Variants in RFX3 observed in about 807,000 individuals in gnomAD.
RFX3 encodes regulatory factor X3.
Under a neutral mutation model 98.6 loss-of-function variants are expected in RFX3, and 14 were observed. The ratio of observed to expected loss-of-function variants is 0.14; its 90% confidence interval spans 0.09 to 0.22. RFX3 has a LOEUF of 0.22. Among genes scored for constraint, RFX3 ranks in the 10% least tolerant of loss-of-function variants. The pLI, the probability that RFX3 is intolerant of heterozygous loss-of-function variation, is 1.00. For missense variants in RFX3, 639 were observed against 926.9 expected (o/e 0.69, Z 4.03); for synonymous variants, 383 against 328.4 (o/e 1.17, Z -1.80).
intron 15 of RFX3, among the ~76,000 whole-genome samples, chr9:3,244,780 G>A (rs1356949079): frequency 6.6e-6 from 1 of 152,110 alleles, no homozygotes; most frequent in Non-Finnish European, 1.5e-5. Flanking sequence ...TTCCTTCAAA[G>A]CACTTAACAA....
intron 1 of RFX3, among the ~76,000 whole-genome samples, chr9:3,465,604 CAT>C (rs1357873374): frequency 6.6e-6 from 1 of 151,776 alleles, no homozygotes; most frequent in East Asian, 1.9e-4. Context: ...GCACTTGGCC[CAT>C]ATGTTAATCT....
chr9:3,310,301 G>A (rs889214293), intron 4 of RFX3, among the ~76,000 whole-genome samples: 9 of 151,970 alleles, frequency 5.9e-5, no homozygotes, highest in South Asian at 2.1e-4. Context: ...TCATATATAC[G>A]GACAATTAGA....
intron 2 of RFX3, among the ~76,000 whole-genome samples, chr9:3,370,170 G>T (rs1453937232): frequency 6.8e-6 from 1 of 146,348 alleles, no homozygotes; most frequent in East Asian, 2.0e-4. Context: ...CTGCTGGTTA[G>T]GATGTTTCAA....
Position 3,269,592 on chromosome 9 carries a change from C to T in RFX3, c.1357+779G>A, listed in dbSNP as rs555727439. 5.9e-5 allele frequency among the ~76,000 whole-genome samples: 9 copies of T among 152,152 alleles called. No individual in the cohort carries two copies. The South Asian group carries it at 1.5e-3, about 25-fold the overall frequency. On this transcript the variant is annotated intron_variant, in intron 11 of 16. Transcript: ENST00000617270. ...CTGCCTCTAACAGTATCTGTGGTAG[C>T]GTTTATATCGATACTTGAGAAAATA...
At chr9:3,343,645 T>C (rs1358707418) in intron 3 of RFX3, among the ~76,000 whole-genome samples, 1 of 152,212 alleles carries the variant, frequency 6.6e-6, no homozygotes, top group African/African-American at 2.4e-5. Flanking sequence ...ATTTTGAGTA[T>C]ACTTCATGGC....
chr9:3,339,787 T>C (rs904987198), intron 3 of RFX3, among the ~76,000 whole-genome samples: 1 of 152,154 alleles, frequency 6.6e-6, no homozygotes, highest in Non-Finnish European at 1.5e-5. Flanking sequence ...TCCATGCTCA[T>C]GGGTAGGAAG....
rs567031925 is a variant in RFX3 at position 3,344,693 on chromosome 9, T to C, written c.215+1974A>G. The C allele has an allele frequency of 1.2e-5, 7 of 602,888 alleles. No individual in the cohort carries two copies. The East Asian group carries it at 2.0e-4, about 17-fold the overall frequency. The allele number at this position is 602,888 out of a possible 1,614,324, so 37.3% of individuals were successfully genotyped here. On this transcript the variant is annotated intron_variant, in intron 3 of 16. Coordinates refer to ENST00000617270, the MANE Select transcript of RFX3 (RefSeq NM_001282116.2). ...TTCCCCTGCAGGTGCCCATTACTAC[T>C]TGTCACAGACAAAGATGAAATGACA...
At chr9:3,385,351 A>T (rs988863373) in intron 2 of RFX3, among the ~76,000 whole-genome samples, 2 of 152,196 alleles carry the variant, frequency 1.3e-5, no homozygotes, top group Non-Finnish European at 2.9e-5. Flanking sequence ...GTCTCTAAGA[A>T]CAAAACTATG....
chr9:3,263,706 T>C (rs989820406), intron 12 of RFX3, among the ~76,000 whole-genome samples: 2 of 152,206 alleles, frequency 1.3e-5, no homozygotes, highest in Non-Finnish European at 2.9e-5. Context: ...AATTTCTATT[T>C]GCCTCTCAAA....
intron 4 of RFX3, among the ~76,000 whole-genome samples, chr9:3,303,891 T>C (rs1053104803): frequency 6.6e-6 from 1 of 152,052 alleles, no homozygotes; most frequent in African/African-American, 2.4e-5. Flanking sequence ...CTTCTTTGTG[T>C]CACTTTGTAA....
Position 3,222,324 on chromosome 9 carries a change from T to C in RFX3, c.*2718A>G, listed in dbSNP as rs1034626364. The C allele has an allele frequency of 6.6e-6, 1 of 152,182 alleles. No homozygotes were observed. The highest frequency in any genetic ancestry group is 1.5e-5 in the Non-Finnish European group (1 of 68,000). 9.4% of individuals were successfully genotyped at this position (152,182 alleles called of 1,614,324 possible). A position where few individuals can be genotyped will look rare whatever the true frequency, so the allele number is the denominator to read the frequency against. On this transcript the variant is annotated 3_prime_UTR_variant, in exon 17 of 17. Coordinates refer to ENST00000617270, the MANE Select transcript of RFX3 (RefSeq NM_001282116.2). ...ATATTTTTATTGAGTCAAGTTCAAATGTAATAATGTTTTATTAGTTCTTAA... is the reference window on the plus strand; with the variant it reads ...ATATTTTTATTGAGTCAAGTTCAAACGTAATAATGTTTTATTAGTTCTTAA...
chr9:3,410,085 A>C (rs1842323383), intron 1 of RFX3, among the ~76,000 whole-genome samples: 1 of 151,634 alleles, frequency 6.6e-6, no homozygotes, highest in African/African-American at 2.4e-5. Context: ...AGCTTCTCTT[A>C]GACGTTTCCA....
chr9:3,500,421 G>T lies in RFX3; in HGVS notation c.-9+25326C>A, dbSNP rs568710333. Among the ~76,000 whole-genome samples, 10 of 152,210 alleles carry T rather than the reference G, an allele frequency of 6.6e-5. No homozygotes were observed. In the East Asian group the frequency reaches 1.7e-3, roughly 26 times the overall value. On this transcript the variant is annotated intron_variant, in intron 1 of 16. Coordinates refer to ENST00000617270, the MANE Select transcript of RFX3 (RefSeq NM_001282116.2). ...AAAGGAAAAAAGAGAAAACAAATAT[G>T]AAAGTTTATATTCAATAATTATATA...
chr9:3,314,149 G>A (rs1299545015), intron 4 of RFX3, among the ~76,000 whole-genome samples: 1 of 152,192 alleles, frequency 6.6e-6, no homozygotes, highest in African/African-American at 2.4e-5. Context: ...ACAAAGGGAA[G>A]CCCATCAGAC....
intron 1 of RFX3, among the ~76,000 whole-genome samples, chr9:3,469,957 A>G (rs886106797): frequency 6.6e-6 from 1 of 152,180 alleles, no homozygotes; most frequent in African/African-American, 2.4e-5. Context: ...ATTTGCCACA[A>G]GCACCCCTGC....
At chr9:3,494,910 T>C (rs1385573621) in intron 1 of RFX3, among the ~76,000 whole-genome samples, 2 of 152,016 alleles carry the variant, frequency 1.3e-5, no homozygotes, top group Non-Finnish European at 2.9e-5. Flanking sequence ...AGCATTTATA[T>C]ATAGTGTACA....
intron 1 of RFX3, among the ~76,000 whole-genome samples, chr9:3,434,501 A>C (rs1844942547): frequency 2.6e-5 from 4 of 152,102 alleles, no homozygotes; most frequent in Admixed American, 2.6e-4. Context: ...TTCATCCTAA[A>C]TTCTTCTACT....
At chr9:3,329,204 C>T (rs1040157589) in intron 4 of RFX3, among the ~76,000 whole-genome samples, 6 of 151,732 alleles carry the variant, frequency 4.0e-5, no homozygotes, top group African/African-American at 1.5e-4. Context: ...GTCAGGAGTT[C>T]GAGACCAGCC....
chr9:3,417,143 A>G (rs1813649931), intron 1 of RFX3, among the ~76,000 whole-genome samples: 2 of 152,224 alleles, frequency 1.3e-5, no homozygotes, highest in Middle Eastern at 3.4e-3. Flanking sequence ...CTATTCATCA[A>G]GAGAATATAA....
Sources: gnomAD v4.1 joint callset for allele counts (sites outside exome capture counted in the v4.1 genomes callset) on GRCh38, gnomAD v4.1.1 for gene constraint, MANE v1.5 for transcripts, NCBI Gene and HGNC (gene_info 2026-07-23, HGNC 2026-07-21) for gene names.